The following GRM5 variants were observed in gnomAD, a reference collection of about 807,000 sequenced individuals.
The protein encoded by GRM5 is metabotropic glutamate receptor 5.
Under a neutral mutation model 83.1 loss-of-function variants are expected in GRM5, and 19 were observed. That is an observed-to-expected ratio of 0.23 (90% CI 0.16 to 0.34). The LOEUF is 0.34. Ranked by LOEUF, GRM5 falls within the 10% of genes least tolerant of loss-of-function variation. The pLI, the probability that GRM5 is intolerant of heterozygous loss-of-function variation, is 1.00. For synonymous variants in GRM5, 675 were observed against 633.6 expected (o/e 1.07, Z -0.98); for missense variants, 1,160 against 1,588.3 (o/e 0.73, Z 4.58).
chr11:89,000,216 T>C (rs1940327276), intron 2 of GRM5, among the ~76,000 whole-genome samples: 1 of 152,150 alleles, frequency 6.6e-6, no homozygotes, highest in Non-Finnish European at 1.5e-5. Context: ...TGTGCACACG[T>C]ACCCTAAAAC....
chr11:88,732,405 A>G (rs995418243), intron 3 of GRM5, among the ~76,000 whole-genome samples: 1 of 152,074 alleles, frequency 6.6e-6, no homozygotes, highest in Non-Finnish European at 1.5e-5. Flanking sequence ...AAAACAAGAT[A>G]TAATTAACCT....
chr11:88,920,645 C>T (rs966952575), intron 2 of GRM5, among the ~76,000 whole-genome samples: 2 of 152,116 alleles, frequency 1.3e-5, no homozygotes, highest in African/African-American at 4.8e-5. Context: ...AAATGCAGGA[C>T]AATATCTCTG....
At chr11:88,683,149 G>A (rs368679689) in intron 3 of GRM5, among the ~76,000 whole-genome samples, 5 of 152,196 alleles carry the variant, frequency 3.3e-5, no homozygotes, top group African/African-American at 1.2e-4. Context: ...CTGACAATGA[G>A]TCATAGCTAC....
At chr11:89,000,929 A>G (rs898795122) in intron 2 of GRM5, among the ~76,000 whole-genome samples, 8 of 151,774 alleles carry the variant, frequency 5.3e-5, no homozygotes, top group Admixed American at 1.3e-4. Flanking sequence ...TATACTGATG[A>G]AAAAAAAGCA....
intron 2 of GRM5, among the ~76,000 whole-genome samples, chr11:88,973,671 C>T (rs1372157344): frequency 6.6e-6 from 1 of 152,118 alleles, no homozygotes; most frequent in African/African-American, 2.4e-5. Context: ...TCTCCAGAAC[C>T]ATGAAAGAAT....
chr11:88,792,438 A>G (rs1943192272), intron 3 of GRM5, among the ~76,000 whole-genome samples: 1 of 152,162 alleles, frequency 6.6e-6, no homozygotes, highest in African/African-American at 2.4e-5. Context: ...GTGGTGACCA[A>G]GAAAACTACT....
intron 4 of GRM5, among the ~76,000 whole-genome samples, chr11:88,630,272 T>A (rs191405356): frequency 2.8e-4 from 43 of 152,312 alleles, no homozygotes; most frequent in African/African-American, 9.9e-4. Context: ...CAGGAATGTA[T>A]GTTCCACGAA....
chr11:89,030,096 T>C lies in GRM5; in HGVS notation c.661+17116A>G, dbSNP rs187885006. ...TAGTATAAAATCTATTAACCAGAAT[T>C]CATCTTTTTTCAAAATAATACAATG... On this transcript the variant is annotated intron_variant, in intron 2 of 9. Coordinates refer to ENST00000305447, the MANE Select transcript of GRM5 (RefSeq NM_001143831.3). Among the ~76,000 whole-genome samples, 45 of 152,274 alleles carry C rather than the reference T, an allele frequency of 3.0e-4. 2 individuals carry two copies. Among genetic ancestry groups the C allele is most frequent in the Non-Finnish European group, 2.9e-5 (2 of 68,016 alleles).
At chr11:89,007,957 T>C (rs571607352) in intron 2 of GRM5, among the ~76,000 whole-genome samples, 37 of 152,326 alleles carry the variant, frequency 2.4e-4, no homozygotes, top group African/African-American at 8.4e-4. Flanking sequence ...GTATCTATAA[T>C]ATAACTTCAA....
chr11:88,772,208 AAT>A (rs940088216), intron 3 of GRM5, among the ~76,000 whole-genome samples: 1 of 152,086 alleles, frequency 6.6e-6, no homozygotes, highest in African/African-American at 2.4e-5. Flanking sequence ...ATTCAGGACT[AAT>A]ATGTGATTGG....
chr11:88,980,300 TA>T (rs2135021663), intron 2 of GRM5, among the ~76,000 whole-genome samples: 1 of 152,242 alleles, frequency 6.6e-6, no homozygotes, highest in African/African-American at 2.4e-5. Flanking sequence ...TAACAAAAAA[TA>T]AATTATATCT....
intron 1 of GRM5, among the ~76,000 whole-genome samples, chr11:89,059,419 T>C (rs1177866333): frequency 6.6e-6 from 1 of 152,122 alleles, no homozygotes; most frequent in East Asian, 1.9e-4. Context: ...GCACATTCCT[T>C]TGCAGAGGAA....
chr11:88,996,931 T>C (rs924938117), intron 2 of GRM5, among the ~76,000 whole-genome samples: 1 of 152,244 alleles, frequency 6.6e-6, no homozygotes, highest in African/African-American at 2.4e-5. Flanking sequence ...ATAGAACTTT[T>C]TTAAATCATT....
chr11:89,028,443 C>T (rs1166277003), intron 2 of GRM5, among the ~76,000 whole-genome samples: 2 of 151,966 alleles, frequency 1.3e-5, no homozygotes, highest in Non-Finnish European at 2.9e-5. Flanking sequence ...AAAAAATTAG[C>T]CAGGAGTGGT....
rs375107547 is a variant in GRM5 at position 88,779,771 on chromosome 11, G to A, written c.911+70135C>T. On this transcript the variant is annotated intron_variant, in intron 3 of 9. Transcript: ENST00000305447. ...GAAAAGCAAACACCAGAAATCATCT[G>A]ATTCAAATGATCCATTTTCACCTCG... 4.1e-4 allele frequency among the ~76,000 whole-genome samples: 62 copies of A among 152,198 alleles called. 1 individual carries two copies. The highest frequency in any genetic ancestry group is 1.5e-3 in the African/African-American group (62 of 41,554).
At chr11:88,996,548 A>G (rs1399443572) in intron 2 of GRM5, among the ~76,000 whole-genome samples, 2 of 152,264 alleles carry the variant, frequency 1.3e-5, no homozygotes, top group African/African-American at 2.4e-5. Flanking sequence ...GATACAATTT[A>G]AAAGAAAAAG....
At chr11:88,528,488 AT>A (rs905865230) in intron 8 of GRM5, among the ~76,000 whole-genome samples, 2 of 151,974 alleles carry the variant, frequency 1.3e-5, no homozygotes, top group Admixed American at 6.6e-5. Flanking sequence ...AAAACTCAAC[AT>A]TTTTTTCCAG....
At chr11:88,933,741 T>C (rs1937796643) in intron 2 of GRM5, among the ~76,000 whole-genome samples, 1 of 151,852 alleles carries the variant, frequency 6.6e-6, no homozygotes. Context: ...CACACATGTT[T>C]GAGAATGTTA....
intron 3 of GRM5, among the ~76,000 whole-genome samples, chr11:88,687,056 A>AT (rs1565186665): frequency 6.6e-6 from 1 of 151,934 alleles, no homozygotes; most frequent in Non-Finnish European, 1.5e-5. Context: ...GCCTATATTT[A>AT]TTCATTTGGC....
Sources: gnomAD v4.1 joint callset for allele counts (sites outside exome capture counted in the v4.1 genomes callset) on GRCh38, gnomAD v4.1.1 for gene constraint, MANE v1.5 for transcripts, NCBI Gene and HGNC (gene_info 2026-07-23, HGNC 2026-07-21) for gene names.